Variants in CELF2 observed in about 807,000 individuals in gnomAD.
The protein encoded by CELF2 is CUGBP Elav-like family member 2, also known as CUG triplet repeat RNA-binding protein 2.
A neutral mutation model predicts 62.6 loss-of-function variants in CELF2; 8 were observed. The observed-to-expected ratio is 0.13, with a 90% CI of 0.07 to 0.23. The LOEUF is 0.23. Among genes scored for constraint, CELF2 ranks in the 10% least tolerant of loss-of-function variants. The pLI is 1.00. For missense variants in CELF2, 333 were observed against 671.0 expected (o/e 0.50, Z 5.56); for synonymous variants, 258 against 250.0 (o/e 1.03, Z -0.30).
chr10:10,613,482 A>G, the CELF2 span, among the ~76,000 whole-genome samples: 3 of 152,260 alleles, frequency 2.0e-5, no homozygotes, highest in African/African-American at 7.2e-5. Flanking sequence ...ATATAAACTC[A>G]TAAGAGAATG....
At chr10:11,287,971 C>T (rs1008045141) in intron 8 of CELF2, among the ~76,000 whole-genome samples, 1 of 152,182 alleles carries the variant, frequency 6.6e-6, no homozygotes, top group East Asian at 1.9e-4. Context: ...ACCTTGAAGC[C>T]CTTCCTCCAG....
intron 2 of CELF2, among the ~76,000 whole-genome samples, chr10:10,980,339 C>T (rs192263958): frequency 8.4e-4 from 128 of 152,254 alleles, no homozygotes; most frequent in African/African-American, 2.9e-3. Flanking sequence ...TGTCACTTTT[C>T]TCTTCCCCCC....
At chr10:10,583,686 A>C in the CELF2 span, among the ~76,000 whole-genome samples, 196 of 152,274 alleles carry the variant, frequency 1.3e-3, no homozygotes, top group East Asian at 0.014. Context: ...CCTTCTGTAG[A>C]ATATACTTAC....
Position 11,314,431 on chromosome 10 carries a change from C to T in CELF2, c.1096+173C>T. 1.2e-6 allele frequency: 1 copy of T among 805,838 alleles called. No individual in the cohort carries two copies. Among genetic ancestry groups the T allele is most frequent in the South Asian group, 1.5e-5 (1 of 68,068 alleles). 49.9% of individuals were successfully genotyped at this position (805,838 alleles called of 1,614,324 possible). A position where few individuals can be genotyped will look rare whatever the true frequency, so the allele number is the denominator to read the frequency against. On this transcript the variant is annotated intron_variant, in intron 10 of 12. Coordinates refer to ENST00000633077, the MANE Select transcript of CELF2 (RefSeq NM_001326342.2). The surrounding 1 kb of genome is among the most constrained non-coding windows in gnomAD (Gnocchi z 5.3). ...CAAAAGCTGTCTACACTCGTTTTGC[C>T]TCAGAAAATCCCCAACCACTCTCCA...
At chr10:10,627,076 T>A in the CELF2 span, among the ~76,000 whole-genome samples, 1 of 152,300 alleles carries the variant, frequency 6.6e-6, no homozygotes, top group East Asian at 1.9e-4. Context: ...GAAATCAAAG[T>A]TCCTGGGCCA....
Position 11,005,451 on chromosome 10 carries a change from G to A in CELF2, c.53+11G>A. The A allele has an allele frequency of 6.2e-7, 1 of 1,613,878 alleles. No individual in the cohort carries two copies. Among genetic ancestry groups the A allele is most frequent in the South Asian group, 1.1e-5 (1 of 91,082 alleles). On this transcript the variant is annotated intron_variant, in intron 1 of 12. Transcript: ENST00000416382. This position sits in a 1 kb window ranked among gnomAD's most constrained non-coding sequence, Gnocchi z 4.3. ...AGAGCTGCTTTTAAGGTATGTTGTT[G>A]TGTCCTTTGTTTTTAATGCACGCTT...
At chr10:10,696,956 G>C in the CELF2 span, among the ~76,000 whole-genome samples, 2 of 152,194 alleles carry the variant, frequency 1.3e-5, no homozygotes, top group African/African-American at 4.8e-5. Context: ...CGTCGCTCAC[G>C]CTGGGAGCTG....
Position 11,217,188 on chromosome 10 carries a change from G to T in CELF2, c.272-237G>T, listed in dbSNP as rs2063571133. The stretch of plus-strand genomic sequence containing the variant: ...CTCATTCTTGAATAGCTGTATTCCA[G>T]AGAGGTGAGGCACAGAGTCAGGAAT... On this transcript the variant is annotated intron_variant, in intron 2 of 12. Transcript: ENST00000633077. This position sits in a 1 kb window ranked among gnomAD's most constrained non-coding sequence, Gnocchi z 5.6. 6.6e-6 allele frequency among the ~76,000 whole-genome samples: 1 copy of T among 152,212 alleles called. No homozygotes were observed. Among genetic ancestry groups the T allele is most frequent in the Non-Finnish European group, 1.5e-5 (1 of 68,044 alleles).
intron 1 of CELF2, among the ~76,000 whole-genome samples, chr10:11,033,769 TAC>T (rs2139043953): frequency 6.6e-6 from 1 of 152,354 alleles, no homozygotes; most frequent in African/African-American, 2.4e-5. Flanking sequence ...GTGTTGTAAA[TAC>T]AGTGTGAGTC....
At chr10:10,835,398 T>C (rs1161042049) in intron 1 of CELF2, among the ~76,000 whole-genome samples, 2 of 135,156 alleles carry the variant, frequency 1.5e-5, no homozygotes, top group African/African-American at 2.9e-5. Flanking sequence ...TTTTTTTTTT[T>C]CTGATATGAA....
rs56364371 is a variant in CELF2, at chr10:11,032,146, C to CAAAAAAAAAAAAAAAAAA, written c.74+13991_74+14008dup. On this transcript the variant is annotated intron_variant, in intron 1 of 12. Coordinates refer to ENST00000633077, the MANE Select transcript of CELF2 (RefSeq NM_001326342.2). The stretch of plus-strand genomic sequence containing the variant: ...CTCCCAGCTCCACATAGGGCTTAGC[C>CAAAAAAAAAAAAAAAAAA]AAAAAAAAAAAAAAAAAAAAAAAAA... Among the ~76,000 whole-genome samples, 179 of 86,374 alleles carry CAAAAAAAAAAAAAAAAAA rather than the reference C, an allele frequency of 2.1e-3. 19 individuals are homozygous for CAAAAAAAAAAAAAAAAAA. Among genetic ancestry groups the CAAAAAAAAAAAAAAAAAA allele is most frequent in the Non-Finnish European group, 3.4e-3 (133 of 38,722 alleles). 56.7% of individuals were successfully genotyped at this position (86,374 alleles called of 152,430 possible). A position where few individuals can be genotyped will look rare whatever the true frequency, so the allele number is the denominator to read the frequency against.
intron 1 of CELF2, among the ~76,000 whole-genome samples, chr10:11,155,733 G>A (rs1369379915): frequency 6.6e-6 from 1 of 152,162 alleles, no homozygotes; most frequent in African/African-American, 2.4e-5. Context: ...GACATAATTA[G>A]CTCCCATGGA....
chr10:10,736,613 G>T, the CELF2 span, among the ~76,000 whole-genome samples: 1 of 151,530 alleles, frequency 6.6e-6, no homozygotes, highest in African/African-American at 2.4e-5. Context: ...TTGCTTGCTG[G>T]GTTGGTTGTT....
At chr10:11,317,133 G>A (rs551286233) in intron 10 of CELF2, 1 of 151,716 alleles carries the variant, frequency 6.6e-6, no homozygotes, top group Non-Finnish European at 1.5e-5. Context: ...AATTCGAATG[G>A]CTTCCAAATG....
At chr10:10,887,186 A>G (rs1316582512) in intron 1 of CELF2, among the ~76,000 whole-genome samples, 2 of 152,014 alleles carry the variant, frequency 1.3e-5, no homozygotes, top group Non-Finnish European at 2.9e-5. Flanking sequence ...TGCCAATCCA[A>G]CTTGCAAAGC....
intron 2 of CELF2, among the ~76,000 whole-genome samples, chr10:10,980,675 A>T (rs182930098): frequency 6.6e-6 from 1 of 152,296 alleles, no homozygotes; most frequent in Admixed American, 6.5e-5. Context: ...GGTCTCTCGC[A>T]CCCGCACAGG....
In CELF2 at chr10:11,242,888, C is replaced by T. The variant is rs866967265; in HGVS notation, c.355-6265C>T. Among the ~76,000 whole-genome samples the T allele has an allele frequency of 5.3e-5, 8 of 152,118 alleles. No individual in the cohort carries two copies. Among genetic ancestry groups the T allele is most frequent in the Non-Finnish European group, 1.0e-4 (7 of 68,028 alleles). ...CTGATGCTGGGAGGCTTGTGTGGTC[C>T]GCCACCAACAGATGGCTCCTACCAG... On this transcript the variant is annotated intron_variant, in intron 3 of 12. Transcript: ENST00000633077. This position sits in a 1 kb window ranked among gnomAD's most constrained non-coding sequence, Gnocchi z 4.8.
At chr10:11,158,621 A>T (rs777369114) in intron 1 of CELF2, among the ~76,000 whole-genome samples, 1 of 151,990 alleles carries the variant, frequency 6.6e-6, no homozygotes, top group Non-Finnish European at 1.5e-5. Flanking sequence ...CTCCAAATTT[A>T]CTTCTTTGTG....
chr10:10,823,143 TAGAA>T (rs923972541), intron 1 of CELF2, among the ~76,000 whole-genome samples: 6 of 152,314 alleles, frequency 3.9e-5, no homozygotes, highest in African/African-American at 7.2e-5. Context: ...AAATCACAAT[TAGAA>T]AGGACTTTTT....
Sources: gnomAD v4.1 joint callset for allele counts (sites outside exome capture counted in the v4.1 genomes callset) on GRCh38, gnomAD v4.1.1 for gene constraint, Gnocchi (gnomAD v3.1) non-coding constraint, MANE v1.5 for transcripts, NCBI Gene and HGNC (gene_info 2026-07-23, HGNC 2026-07-21) for gene names.